MAML3: variants seen among roughly 807,000 people sequenced by gnomAD.
The protein encoded by MAML3 is mastermind-like protein 3.
In MAML3, 27 loss-of-function variants were observed where a neutral mutation model predicts 101.9. The observed-to-expected ratio is 0.27, with a 90% CI of 0.20 to 0.37. The LOEUF (loss-of-function observed/expected upper bound fraction) is 0.37, where lower values mean the gene tolerates loss of function less well. Among genes scored for constraint, MAML3 ranks in the 10% least tolerant of loss-of-function variants. MAML3 has a pLI of 1.00. For missense variants in MAML3, 1,316 were observed against 1,444.9 expected, an observed-to-expected ratio of 0.91 and a Z score of 1.45; for synonymous variants, 501 against 555.9, an observed-to-expected ratio of 0.90 and a Z score of 1.39.
intron 2 of MAML3, among the ~76,000 whole-genome samples, chr4:139,842,799 GAC>G (rs1731384602): frequency 2.7e-5 from 1 of 36,678 alleles, no homozygotes; most frequent in Non-Finnish European, 4.9e-5. Context: ...TTTTTTTTGA[GAC>G]AGAGTCTCAC....
chr4:140,092,696 G>A (rs1181596699), intron 1 of MAML3, among the ~76,000 whole-genome samples: 1 of 152,176 alleles, frequency 6.6e-6, no homozygotes, highest in Non-Finnish European at 1.5e-5. Context: ...GAGGAGAGCC[G>A]ACTGGCTTCC....
chr4:139,825,038 A>C (rs1382745911), intron 2 of MAML3, among the ~76,000 whole-genome samples: 1 of 152,044 alleles, frequency 6.6e-6, no homozygotes, highest in Non-Finnish European at 1.5e-5. Flanking sequence ...CCCCTCCTGC[A>C]GCACCCCGCC....
At chr4:140,035,536 G>A (rs979859771) in intron 1 of MAML3, among the ~76,000 whole-genome samples, 31 of 152,102 alleles carry the variant, frequency 2.0e-4, no homozygotes, top group African/African-American at 6.8e-4. Context: ...AGTGGCTCAC[G>A]CCTGTAATCC....
intron 1 of MAML3, among the ~76,000 whole-genome samples, chr4:139,990,614 T>C (rs1291692464): frequency 8.7e-5 from 13 of 149,638 alleles, no homozygotes; most frequent in African/African-American, 2.2e-4. Context: ...TCAAATTGTC[T>C]CTGTTTGCAG....
At chr4:139,843,655 TG>T (rs1385671218) in intron 2 of MAML3, among the ~76,000 whole-genome samples, 2 of 152,226 alleles carry the variant, frequency 1.3e-5, no homozygotes, top group East Asian at 3.8e-4. Flanking sequence ...TATATACAGT[TG>T]GGGTTTCTCT....
At chr4:140,090,609 G>A (rs1326204458) in intron 1 of MAML3, among the ~76,000 whole-genome samples, 2 of 152,226 alleles carry the variant, frequency 1.3e-5, no homozygotes, top group Admixed American at 6.5e-5. Flanking sequence ...GGGTGGCGGA[G>A]TCAGAATGCA....
chr4:139,914,084 T>C (rs867165530), intron 1 of MAML3, among the ~76,000 whole-genome samples: 163 of 152,314 alleles, frequency 1.1e-3, no homozygotes, highest in African/African-American at 3.6e-3. Context: ...TATATATTTT[T>C]AAAAGCATTT....
At chr4:140,074,187 G>GAAAGAA in intron 1 of MAML3, among the ~76,000 whole-genome samples, 1 of 124,842 alleles carries the variant, frequency 8.0e-6, no homozygotes, top group South Asian at 2.7e-4. Context: ...AAGAGAGAGA[G>GAAAGAA]AGAGAAAGAA....
intron 1 of MAML3, among the ~76,000 whole-genome samples, chr4:139,891,282 T>G (rs2111200352): frequency 6.6e-6 from 1 of 152,310 alleles, no homozygotes; most frequent in Non-Finnish European, 1.5e-5. Flanking sequence ...TTATTTTCTT[T>G]CTTTTTTTGT....
In MAML3 at chr4:140,071,070, C is replaced by T. The variant is rs181158246; in HGVS notation, c.468+81790G>A. Among the ~76,000 whole-genome samples, 8 of 152,336 alleles carry T rather than the reference C, an allele frequency of 5.3e-5. No homozygotes were observed. The East Asian group carries it at 5.8e-4, about 11-fold the overall frequency. On this transcript the variant is annotated intron_variant, in intron 1 of 4. Coordinates refer to ENST00000509479, the MANE Select transcript of MAML3 (RefSeq NM_018717.5). ...CTGAACTCCAGCTTCCAGGATCACT[C>T]GCCTAGGTCTCATCTTCTGAAGCCT...
In MAML3 at chr4:139,889,769, G is replaced by T. The variant is rs1244226919; in HGVS notation, c.1667C>A (p.Pro556Gln). The T allele has an allele frequency of 2.5e-6, 4 of 1,613,902 alleles. No homozygotes were observed. The highest frequency in any genetic ancestry group is 1.7e-6 in the Non-Finnish European group (2 of 1,179,910). ...AFNNQNPIVPPMANNLQKTTM... is the reference protein window; with the variant it reads ...AFNNQNPIVPQMANNLQKTTM... The stretch of plus-strand genomic sequence containing the variant: ...TGTCTTCTGCAGGTTGTTTGCCATT[G>T]GAGGCACTATAGGGTTTTGGTTGTT... Residue 556 changes from proline (P) to glutamine (Q), a missense_variant, in exon 2 of 5, where the codon CCA (proline) becomes CAA (glutamine). Pro to Gln is a moderately conservative substitution (Grantham distance 76). Coordinates refer to ENST00000509479, the MANE Select transcript of MAML3 (RefSeq NM_018717.5).
chr4:139,736,199 C>G (rs6845172), intron 2 of MAML3, among the ~76,000 whole-genome samples: 35,426 of 152,016 alleles, frequency 0.23, 4,649 homozygotes, highest in African/African-American at 0.36. Context: ...TTTAGCCCAA[C>G]TGGGATTTCG....
chr4:140,084,238 T>A (rs1727915000), intron 1 of MAML3, among the ~76,000 whole-genome samples: 1 of 152,234 alleles, frequency 6.6e-6, no homozygotes. Flanking sequence ...AAAGGGCCGA[T>A]GACTACTCAG....
intron 2 of MAML3, among the ~76,000 whole-genome samples, chr4:139,787,109 C>T (rs552037868): frequency 4.6e-5 from 7 of 152,362 alleles, no homozygotes; most frequent in South Asian, 4.1e-4. Flanking sequence ...TTTCCCTTCC[C>T]GGCTGTGAGC....
intron 2 of MAML3, among the ~76,000 whole-genome samples, chr4:139,815,578 C>A (rs750117268): frequency 1.6e-4 from 25 of 152,278 alleles, no homozygotes; most frequent in Non-Finnish European, 8.8e-5. Flanking sequence ...CTTAATAGAT[C>A]TATCTCCATC....
intron 1 of MAML3, among the ~76,000 whole-genome samples, chr4:140,143,041 C>T (rs1428735858): frequency 1.3e-5 from 2 of 152,210 alleles, no homozygotes; most frequent in Non-Finnish European, 2.9e-5. Context: ...GAAAGCAATG[C>T]TTGCAAGAAG....
chr4:139,845,992 A>G (rs1248471763), intron 2 of MAML3, among the ~76,000 whole-genome samples: 1 of 152,226 alleles, frequency 6.6e-6, no homozygotes, highest in East Asian at 1.9e-4. Context: ...CAACATCTAT[A>G]TAAACAGAGA....
intron 4 of MAML3, among the ~76,000 whole-genome samples, chr4:139,721,083 G>T (rs780191762): frequency 7.2e-5 from 11 of 152,274 alleles, no homozygotes; most frequent in South Asian, 2.1e-4. Flanking sequence ...TGCTACGTGC[G>T]ACTTGGCCAT....
intron 1 of MAML3, among the ~76,000 whole-genome samples, chr4:139,916,535 C>T (rs1733032165): frequency 6.6e-6 from 1 of 152,198 alleles, no homozygotes; most frequent in African/African-American, 2.4e-5. Context: ...GATATAAGGA[C>T]ACATTTCCCA....
Sources: gnomAD v4.1 joint callset for allele counts (sites outside exome capture counted in the v4.1 genomes callset) on GRCh38, gnomAD v4.1.1 for gene constraint, MANE v1.5 for transcripts, NCBI Gene and HGNC (gene_info 2026-07-23, HGNC 2026-07-21) for gene names.